The following NRXN1 variants were observed in gnomAD, a reference collection of about 807,000 sequenced individuals.
NRXN1 encodes neurexin-1.
NRXN1 carries 39 observed loss-of-function variants against 150.9 expected under a neutral mutation model. That is an observed-to-expected ratio of 0.26 (90% CI 0.20 to 0.34). The LOEUF (loss-of-function observed/expected upper bound fraction) is 0.34, where lower values mean the gene tolerates loss of function less well. NRXN1 is among the 10% of genes least tolerant of loss of function. The pLI, the probability that NRXN1 is intolerant of heterozygous loss-of-function variation, is 1.00. For synonymous variants in NRXN1, 924 were observed against 757.0 expected, an observed-to-expected ratio of 1.22 and a Z score of -3.62; for missense variants, 1,815 against 1,949.9, an observed-to-expected ratio of 0.93 and a Z score of 1.30.
chr2:50,551,780 C>A (rs982152054), intron 9 of NRXN1, among the ~76,000 whole-genome samples: 3 of 151,862 alleles, frequency 2.0e-5, no homozygotes, highest in Non-Finnish European at 2.9e-5. Context: ...CCTCTTTCTC[C>A]CTCTCTTCTC....
intron 5 of NRXN1, among the ~76,000 whole-genome samples, chr2:50,862,765 C>T (rs1437011693): frequency 2.0e-5 from 3 of 152,010 alleles, no homozygotes; most frequent in African/African-American, 4.8e-5. Flanking sequence ...ACATGAATCA[C>T]CTTTTCACAG....
chr2:50,477,339 C>T lies in NRXN1; in HGVS notation c.3071-4868G>A, dbSNP rs545820304. On this transcript the variant is annotated intron_variant, in intron 15 of 22. Transcript: ENST00000401669. Reference sequence around the variant, plus strand: ...CTAGGGAATTTGAAGCAGTAATAATCCGGAGGAGAAATAAAATTGCATTTA... The same window carrying T: ...CTAGGGAATTTGAAGCAGTAATAATTCGGAGGAGAAATAAAATTGCATTTA... 2.0e-5 allele frequency among the ~76,000 whole-genome samples: 3 copies of T among 152,196 alleles called. No homozygotes were observed. The South Asian group carries it at 6.2e-4, about 32-fold the overall frequency.
chr2:50,541,017 G>T lies in NRXN1; in HGVS notation c.1760-2381C>A, dbSNP rs140727633. Among the ~76,000 whole-genome samples the T allele has an allele frequency of 7.9e-5, 12 of 152,096 alleles. No homozygotes were observed. The East Asian group carries it at 2.3e-3, about 29-fold the overall frequency. ...AGGATTCTACTCTATTTTCCAATTAGTTCAATAAGGCCTCCTAAAAGCCGT... is the reference window on the plus strand; with the variant it reads ...AGGATTCTACTCTATTTTCCAATTATTTCAATAAGGCCTCCTAAAAGCCGT... On this transcript the variant is annotated intron_variant, in intron 9 of 22. Transcript: ENST00000401669.
At chr2:50,721,126 A>C (rs959158580) in intron 5 of NRXN1, among the ~76,000 whole-genome samples, 10 of 152,172 alleles carry the variant, frequency 6.6e-5, no homozygotes, top group African/African-American at 2.4e-4. Context: ...TAGCCACTAG[A>C]TGACTCAGCT....
intron 19 of NRXN1, among the ~76,000 whole-genome samples, chr2:50,085,702 GTTA>G (rs1430349419): frequency 1.1e-4 from 16 of 151,714 alleles, no homozygotes; most frequent in African/African-American, 3.1e-4. Flanking sequence ...AAATTCTATG[GTTA>G]TTATAAGAAA....
chr2:50,868,964 C>G (rs1677361753), intron 5 of NRXN1, among the ~76,000 whole-genome samples: 1 of 151,778 alleles, frequency 6.6e-6, no homozygotes, highest in South Asian at 2.1e-4. Context: ...AGATTTTAAA[C>G]TAATTTTAAG....
At chr2:49,962,111 G>A (rs1283862936) in intron 21 of NRXN1, among the ~76,000 whole-genome samples, 5 of 152,088 alleles carry the variant, frequency 3.3e-5, no homozygotes, top group East Asian at 1.9e-4. Flanking sequence ...GGTATATGAA[G>A]GGGAGGGAAT....
At chr2:50,436,656 G>A (rs1312607111) in intron 17 of NRXN1, among the ~76,000 whole-genome samples, 2 of 152,174 alleles carry the variant, frequency 1.3e-5, no homozygotes, top group African/African-American at 4.8e-5. Flanking sequence ...GAGATGAGTA[G>A]CAGAACCAGT....
At chr2:50,991,608 T>C (rs777656995) in intron 2 of NRXN1, among the ~76,000 whole-genome samples, 1 of 152,016 alleles carries the variant, frequency 6.6e-6, no homozygotes, top group African/African-American at 2.4e-5. Context: ...TCTATCCTCA[T>C]TGTAAGCACA....
chr2:50,981,439 C>T (rs1696779177), intron 2 of NRXN1, among the ~76,000 whole-genome samples: 1 of 73,986 alleles, frequency 1.4e-5, no homozygotes, highest in Non-Finnish European at 2.3e-5. Context: ...GCCTGGGTGA[C>T]AGATAGAAAC....
chr2:50,164,457 G>A (rs979884053), intron 18 of NRXN1, among the ~76,000 whole-genome samples: 11 of 152,134 alleles, frequency 7.2e-5, no homozygotes, highest in African/African-American at 2.7e-4. Context: ...TCATTAAAAA[G>A]TTATCTAAAA....
chr2:49,975,127 A>G (rs1005745379), intron 21 of NRXN1, among the ~76,000 whole-genome samples: 4 of 150,634 alleles, frequency 2.7e-5, no homozygotes, highest in African/African-American at 9.7e-5. Flanking sequence ...TATATTATAT[A>G]TATGATTATA....
At chr2:50,104,601 A>C (rs73932937) in intron 18 of NRXN1, among the ~76,000 whole-genome samples, 178 of 152,020 alleles carry the variant, frequency 1.2e-3, no homozygotes, top group African/African-American at 4.2e-3. Context: ...TGTGTCAGAC[A>C]CTCCTTCTAA....
At chr2:51,027,367 G>C in intron 2 of NRXN1, 135 bp downstream of exon 2, 1 of 909,420 alleles carries the variant, frequency 1.1e-6, no homozygotes. Context: ...GAGTCCCCCA[G>C]AAACAAGGTC....
intron 5 of NRXN1, among the ~76,000 whole-genome samples, chr2:50,802,883 C>T (rs749415292): frequency 6.6e-6 from 1 of 152,050 alleles, no homozygotes; most frequent in Non-Finnish European, 1.5e-5. Context: ...CGGAAGACTG[C>T]CTGCACACCA....
At chr2:50,442,649 TA>T (rs2086062814) in intron 17 of NRXN1, among the ~76,000 whole-genome samples, 1 of 152,146 alleles carries the variant, frequency 6.6e-6, no homozygotes, top group African/African-American at 2.4e-5. Flanking sequence ...ATGTCTGGGC[TA>T]ATGACAGAAA....
At chr2:50,807,911 T>C (rs1443217144) in intron 5 of NRXN1, among the ~76,000 whole-genome samples, 2 of 152,170 alleles carry the variant, frequency 1.3e-5, no homozygotes, top group Non-Finnish European at 2.9e-5. Flanking sequence ...CTAATGAATA[T>C]GCCAAACTTA....
In NRXN1 at chr2:50,623,550, G is replaced by C; in HGVS notation, c.898C>G (p.Pro300Ala). The change falls in exon 6 of 23, where the codon CCC becomes GCC. Residue 300 changes from proline (P) to alanine (A), a missense_variant. Pro to Ala is a conservative substitution (Grantham distance 27). Transcript: ENST00000401669. ...ATTTCATCACTGCTGCTTTGAATGGGGTTTTGAGACAAGTCGTAGCAGAAG... is the reference window on the plus strand; with the variant it reads ...ATTTCATCACTGCTGCTTTGAATGGCGTTTTGAGACAAGTCGTAGCAGAAG... The part of the protein sequence containing the change: ...EYFCYDLSQN[P>A]IQSSSDEITL... 1.2e-6 allele frequency: 2 copies of C among 1,613,112 alleles called. No homozygotes were observed. The highest frequency in any genetic ancestry group is 2.2e-5 in the South Asian group (2 of 91,064).
At chr2:50,800,825 C>T (rs1262282111) in intron 5 of NRXN1, among the ~76,000 whole-genome samples, 1 of 152,176 alleles carries the variant, frequency 6.6e-6, no homozygotes, top group Non-Finnish European at 1.5e-5. Flanking sequence ...GCTGGGATTA[C>T]AGGCGTGAGC....
Sources: allele counts gnomAD v4.1 joint callset (sites outside exome capture counted in the v4.1 genomes callset), GRCh38; gene constraint gnomAD v4.1.1; transcripts MANE v1.5; gene names NCBI Gene and HGNC (gene_info 2026-07-23, HGNC 2026-07-21).